The following LINC00305 variants were observed in gnomAD, a reference collection of about 807,000 sequenced individuals.
LINC00305 encodes the protein long independently transcribed non-coding RNA 305.
intron 3 of LINC00305, among the ~76,000 whole-genome samples, chr18:64,085,219 A>G (rs1023131234): frequency 1.3e-5 from 2 of 152,234 alleles, no homozygotes; most frequent in Non-Finnish European, 2.9e-5. Context: ...ATTAAGCCAA[A>G]CACATACAGA....
intron 3 of LINC00305, among the ~76,000 whole-genome samples, chr18:64,093,154 G>T (rs17072547): frequency 0.027 from 4,089 of 152,128 alleles, 158 homozygotes; most frequent in African/African-American, 0.094. Context: ...TAGCAATTAT[G>T]CCTGAAACCA....
chr18:64,106,980 A>G (rs977545715), intron 1 of LINC00305, among the ~76,000 whole-genome samples: 1 of 152,166 alleles, frequency 6.6e-6, no homozygotes, highest in Non-Finnish European at 1.5e-5. Context: ...CAGATATGAC[A>G]TTTTGGCTAA....
At chr18:64,131,246 T>C (rs568582236) in intron 1 of LINC00305, among the ~76,000 whole-genome samples, 2 of 152,352 alleles carry the variant, frequency 1.3e-5, no homozygotes, top group East Asian at 1.9e-4. Flanking sequence ...TGGAACTACA[T>C]GCTACCATTT....
chr18:64,091,406 G>A (rs1053003431), intron 3 of LINC00305, among the ~76,000 whole-genome samples: 15 of 152,168 alleles, frequency 9.9e-5, no homozygotes, highest in African/African-American at 2.7e-4. Flanking sequence ...CCATTGTTTC[G>A]TTGGACTTCA....
rs995033587 is a variant in LINC00305 at position 64,087,672 on chromosome 18, G to A, written n.541-7270C>T. 7.2e-5 allele frequency among the ~76,000 whole-genome samples: 11 copies of A among 152,126 alleles called. No individual in the cohort carries two copies. In the South Asian group the frequency reaches 1.4e-3, roughly 20 times the overall value. ...CATTCTGGGGTATAGAAAAATATACGATTGCTTTTGTCTTTAAGGACCTAT... is the reference window on the plus strand; with the variant it reads ...CATTCTGGGGTATAGAAAAATATACAATTGCTTTTGTCTTTAAGGACCTAT... On this transcript the variant is annotated intron_variant and non_coding_transcript_variant, in intron 3 of 3. Coordinates refer to ENST00000666468, the Ensembl canonical transcript of LINC00305.
At position 64,104,471 on chromosome 18, in the gene LINC00305, A is replaced by G. The variant is rs905000715; in HGVS notation, n.315-5831T>C. On this transcript the variant is annotated intron_variant and non_coding_transcript_variant, in intron 1 of 3. Transcript: ENST00000666468. ...TAGAAAGAAGATTCCTCCTCCTGAG[A>G]ACCCAACCTGCACCTTAATCAATTA... Among the ~76,000 whole-genome samples the G allele has an allele frequency of 3.9e-5, 6 of 152,218 alleles. 1 individual carries two copies. Among genetic ancestry groups the G allele is most frequent in the Non-Finnish European group, 4.4e-5 (3 of 68,042 alleles).
chr18:64,108,353 GA>G (rs2051300394), intron 1 of LINC00305, among the ~76,000 whole-genome samples: 1 of 152,220 alleles, frequency 6.6e-6, no homozygotes, highest in Non-Finnish European at 1.5e-5. Context: ...TGCAACACAT[GA>G]GTATTATGGG....
At chr18:64,136,634 C>T (rs1469890093) in intron 1 of LINC00305, among the ~76,000 whole-genome samples, 1 of 152,152 alleles carries the variant, frequency 6.6e-6, no homozygotes, top group Non-Finnish European at 1.5e-5. Flanking sequence ...GAGCCAAACC[C>T]TATCAGCTGC....
At chr18:64,115,475 G>T (rs568455568) in intron 1 of LINC00305, among the ~76,000 whole-genome samples, 38 of 152,248 alleles carry the variant, frequency 2.5e-4, no homozygotes, top group African/African-American at 9.1e-4. Context: ...TGTGTGTGGG[G>T]AGGCTGCTTA....
intron 1 of LINC00305, among the ~76,000 whole-genome samples, chr18:64,108,511 C>G (rs1314919885): frequency 6.6e-6 from 1 of 152,162 alleles, no homozygotes; most frequent in African/African-American, 2.4e-5. Context: ...GAGCCAAGGA[C>G]AGTCTATTCC....
intron 1 of LINC00305, among the ~76,000 whole-genome samples, chr18:64,107,161 A>G (rs534157925): frequency 1.3e-5 from 2 of 152,372 alleles, no homozygotes; most frequent in Non-Finnish European, 2.9e-5. Context: ...ATCACTGAAA[A>G]TAATAGTCTT....
At chr18:64,146,012 A>C (rs1290827904) in intron 1 of LINC00305, among the ~76,000 whole-genome samples, 1 of 152,214 alleles carries the variant, frequency 6.6e-6, no homozygotes, top group Admixed American at 6.5e-5. Flanking sequence ...AAGAAGAAAA[A>C]AAGTGAAATA....
At chr18:64,089,564 T>C (rs2144894437) in intron 3 of LINC00305, among the ~76,000 whole-genome samples, 1 of 152,320 alleles carries the variant, frequency 6.6e-6, no homozygotes, top group Middle Eastern at 3.4e-3. Flanking sequence ...CTGAGAAATG[T>C]CATTTGCAGA....
At chr18:64,124,206 G>A (rs1340078507) in intron 1 of LINC00305, among the ~76,000 whole-genome samples, 1 of 152,154 alleles carries the variant, frequency 6.6e-6, no homozygotes, top group Non-Finnish European at 1.5e-5. Context: ...AGGAATGACA[G>A]TCACAGTATT....
chr18:64,125,594 C>T (rs138832055), intron 1 of LINC00305, among the ~76,000 whole-genome samples: 4 of 151,622 alleles, frequency 2.6e-5, no homozygotes, highest in Admixed American at 2.0e-4. Context: ...TATATACATA[C>T]ATGTGTATCT....
At chr18:64,129,557 T>C (rs1206248196) in intron 1 of LINC00305, among the ~76,000 whole-genome samples, 1 of 152,096 alleles carries the variant, frequency 6.6e-6, no homozygotes, top group Non-Finnish European at 1.5e-5. Context: ...TTTCTTATTA[T>C]TAAAATAAAA....
chr18:64,093,727 T>C (rs749430777), intron 3 of LINC00305, among the ~76,000 whole-genome samples: 4 of 152,194 alleles, frequency 2.6e-5, no homozygotes, highest in Non-Finnish European at 5.9e-5. Context: ...ACTTCTGCTA[T>C]AGGCAAGAGA....
chr18:64,105,642 C>G (rs1219782224), intron 1 of LINC00305, among the ~76,000 whole-genome samples: 1 of 152,152 alleles, frequency 6.6e-6, no homozygotes, highest in East Asian at 1.9e-4. Context: ...TACATTTACA[C>G]TATGGTAATG....
chr18:64,110,439 T>C (rs2051310210), intron 1 of LINC00305, among the ~76,000 whole-genome samples: 1 of 152,232 alleles, frequency 6.6e-6, no homozygotes, highest in Admixed American at 6.5e-5. Context: ...TAAAACAGTT[T>C]GAACAATGTA....
Sources: gnomAD v4.1 joint callset for allele counts (sites outside exome capture counted in the v4.1 genomes callset) on GRCh38, gnomAD v4.1.1 for gene constraint, MANE v1.5 for transcripts, NCBI Gene and HGNC (gene_info 2026-07-23, HGNC 2026-07-21) for gene names.